The following USP34 variants were observed in gnomAD, a reference collection of about 807,000 sequenced individuals.
The protein encoded by USP34 is ubiquitin specific peptidase 34, also known as ubiquitin carboxyl-terminal hydrolase 34.
Under a neutral mutation model 460.3 loss-of-function variants are expected in USP34, and 70 were observed. The observed-to-expected ratio is 0.15, with a 90% CI of 0.13 to 0.19. The LOEUF (loss-of-function observed/expected upper bound fraction) is 0.19, where lower values mean the gene tolerates loss of function less well. Among genes scored for constraint, USP34 ranks in the 10% least tolerant of loss-of-function variants. USP34 has a pLI of 1.00. For missense variants in USP34, 3,985 were observed against 4,236.2 expected, an observed-to-expected ratio of 0.94 and a Z score of 1.65; for synonymous variants, 1,647 against 1,405.3, an observed-to-expected ratio of 1.17 and a Z score of -3.85.
intron 43 of USP34, 167 bp downstream of exon 43, chr2:61,265,230 T>C (rs572748104): frequency 2.2e-5 from 16 of 737,996 alleles, no homozygotes; most frequent in African/African-American, 1.6e-4. Context: ...AGTAATCTAC[T>C]AAAATGTATA....
intron 48 of USP34, among the ~76,000 whole-genome samples, chr2:61,253,921 G>C (rs1688653942): frequency 6.6e-6 from 1 of 152,110 alleles, no homozygotes; most frequent in African/African-American, 2.4e-5. Context: ...TTTTAGTAGA[G>C]ACAGGGTTTC....
chr2:61,195,366 TAAA>T (rs34844512), intron 75 of USP34, among the ~76,000 whole-genome samples: 13 of 140,192 alleles, frequency 9.3e-5, no homozygotes, highest in Admixed American at 9.1e-4. Context: ...TTTTAAAGGT[TAAA>T]AAAAAAAAAA....
chr2:61,319,432 G>A lies in USP34; in HGVS notation c.3014-105C>T, dbSNP rs539094015. 4.1e-6 allele frequency: 3 copies of A among 736,764 alleles called. No homozygotes were observed. The East Asian group carries it at 1.0e-4, about 25-fold the overall frequency. The allele number at this position is 736,764 out of a possible 1,614,324, so 45.6% of individuals were successfully genotyped here. On this transcript the variant is annotated intron_variant, in intron 21 of 79. Transcript: ENST00000398571. ...GTAAGTCCTCACTTAACACAGATAG[G>A]TTCTTGGAAATTGCAATTTTAATTG...
At chr2:61,209,673 TTATG>T (rs1687218054) in intron 69 of USP34, among the ~76,000 whole-genome samples, 2 of 152,360 alleles carry the variant, frequency 1.3e-5, no homozygotes, top group Middle Eastern at 3.4e-3. Context: ...TGTTACTGGT[TTATG>T]TATTTACTAT....
At chr2:61,405,029 C>G (rs1693826227) in intron 3 of USP34, among the ~76,000 whole-genome samples, 1 of 151,760 alleles carries the variant, frequency 6.6e-6, no homozygotes, top group African/African-American at 2.4e-5. Context: ...AGATCGAGAC[C>G]ATCCTGGCTA....
intron 1 of USP34, among the ~76,000 whole-genome samples, chr2:61,444,056 A>T (rs1451250021): frequency 6.6e-6 from 1 of 152,166 alleles, no homozygotes; most frequent in East Asian, 1.9e-4. Flanking sequence ...CTGCTTCAGC[A>T]TGGGCAACAT....
In USP34 at chr2:61,227,176, C is replaced by G. The variant is rs1687751211; in HGVS notation, c.7486G>C (p.Glu2496Gln). ...AGAGAGAGGATATCTTCTTCCTCCT[C>G]TTCTTCTTCCCCTTCTTCCTCTGAT... is the stretch of plus-strand genomic sequence containing the variant. ...VLSEEEGEEEEEEEDILSLAE... is the reference protein window; with the variant it reads ...VLSEEEGEEEQEEEDILSLAE... Residue 2496 changes from glutamate (E) to glutamine (Q), a missense_variant, in exon 62 of 80, where the codon GAG (glutamate) becomes CAG (glutamine). Transcript: ENST00000398571. 3 of 1,613,648 alleles carry G rather than the reference C, an allele frequency of 1.9e-6. No individual in the cohort carries two copies. The African/African-American group carries it at 4.0e-5, about 22-fold the overall frequency.
In USP34 at chr2:61,204,609, TAAAAAC is replaced by T. The variant is rs759073853; in HGVS notation, c.9155-14_9155-9del. Reference sequence around the variant, plus strand: ...CAAGTTCCTTGAGGACATCTGAAAATAAAAACAAAGTTTGGGTAGCAAAAAATTAAG... The same window carrying T: ...CAAGTTCCTTGAGGACATCTGAAAATAAAGTTTGGGTAGCAAAAAATTAAG... On this transcript the variant is annotated splice_polypyrimidine_tract_variant and intron_variant, in intron 72 of 79. Coordinates refer to ENST00000398571, the MANE Select transcript of USP34 (RefSeq NM_014709.4). 1 of 1,610,038 alleles carries T rather than the reference TAAAAAC, an allele frequency of 6.2e-7. No homozygotes were observed. Among genetic ancestry groups the T allele is most frequent in the East Asian group, 2.2e-5 (1 of 44,838 alleles).
At position 61,432,181 on chromosome 2, in the gene USP34, TA is replaced by T. The variant is rs1397128495; in HGVS notation, c.44-11349del. On this transcript the variant is annotated intron_variant, in intron 1 of 79. Coordinates refer to ENST00000398571, the MANE Select transcript of USP34 (RefSeq NM_014709.4). ...TAGACAGAACCCACCGTTTTTCAATTAAAAAAAAAAAATGGAATGTAGTGAC... is the reference window on the plus strand; with the variant it reads ...TAGACAGAACCCACCGTTTTTCAATTAAAAAAAAAAATGGAATGTAGTGAC... Among the ~76,000 whole-genome samples, 839 of 143,080 alleles carry T rather than the reference TA, an allele frequency of 5.9e-3. 3 individuals carry two copies. The highest frequency in any genetic ancestry group is 9.6e-3 in the African/African-American group (378 of 39,218). 93.9% of individuals were successfully genotyped at this position (143,080 alleles called of 152,430 possible). A position where few individuals can be genotyped will look rare whatever the true frequency, so the allele number is the denominator to read the frequency against.
chr2:61,281,651 T>A (rs1368711359), intron 37 of USP34, among the ~76,000 whole-genome samples: 1 of 152,142 alleles, frequency 6.6e-6, no homozygotes, highest in Non-Finnish European at 1.5e-5. Flanking sequence ...CATACATATA[T>A]ATATGTAAAT....
chr2:61,268,210 A>G (rs1689110193), intron 41 of USP34, among the ~76,000 whole-genome samples: 2 of 152,072 alleles, frequency 1.3e-5, no homozygotes, highest in South Asian at 2.1e-4. Flanking sequence ...CTGTTGTCTT[A>G]GTCTGTTTAG....
At chr2:61,209,020 A>G (rs1687196437) in intron 69 of USP34, 43 bp from the exon 70 acceptor site, 1 of 1,260,090 alleles carries the variant, frequency 7.9e-7, no homozygotes, top group Non-Finnish European at 1.1e-6. Flanking sequence ...TCTGAATAAG[A>G]ACACAACACT....
At position 61,188,985 on chromosome 2, in the gene USP34, A is replaced by G; in HGVS notation, c.9958T>C (p.Leu3320=). The change falls in exon 79 of 80, where the codon TTA becomes CTA. Residue 3320 remains leucine (L), a synonymous_variant. Transcript: ENST00000398571. ...PALIPTLQEL[L]SKCRTCLQQR... is the part of the protein sequence containing the mutation. ...TGCAGACAAGTCCTGCATTTGCTTA[A>G]AAGCTCTTGCAGAGTTGGAATTAGA... The G allele has an allele frequency of 1.2e-6, 2 of 1,614,196 alleles. No homozygotes were observed. Among genetic ancestry groups the G allele is most frequent in the Non-Finnish European group, 1.7e-6 (2 of 1,180,032 alleles).
rs532588582 is a variant in USP34 at position 61,435,201 on chromosome 2, G to A, written c.44-14368C>T. Reference sequence around the variant, plus strand: ...ATGCTTATAGTCCCAGCTACTCAGAGGCTGAGGTGGGAGAATCACCTGAGT... The same window carrying A: ...ATGCTTATAGTCCCAGCTACTCAGAAGCTGAGGTGGGAGAATCACCTGAGT... On this transcript the variant is annotated intron_variant, in intron 1 of 79. Transcript: ENST00000398571. 8.6e-5 allele frequency among the ~76,000 whole-genome samples: 13 copies of A among 150,776 alleles called. No homozygotes were observed. The South Asian group carries it at 2.7e-3, about 32-fold the overall frequency.
chr2:61,399,766 G>C (rs1318659803), intron 3 of USP34, among the ~76,000 whole-genome samples: 1 of 150,672 alleles, frequency 6.6e-6, no homozygotes, highest in Non-Finnish European at 1.5e-5. Context: ...CCAACTACTC[G>C]GGACGCTGAG....
intron 15 of USP34, among the ~76,000 whole-genome samples, chr2:61,345,809 A>G (rs989171240): frequency 2.0e-5 from 3 of 152,086 alleles, no homozygotes; most frequent in Non-Finnish European, 4.4e-5. Flanking sequence ...TAGTGTTTTT[A>G]ATATTTTTGT....
chr2:61,399,763 C>A (rs1693653636), intron 3 of USP34, among the ~76,000 whole-genome samples: 1 of 150,042 alleles, frequency 6.7e-6, no homozygotes, highest in Non-Finnish European at 1.5e-5. Flanking sequence ...ATCCCAACTA[C>A]TCGGGACGCT....
intron 37 of USP34, 76 bp from the exon 38 acceptor site, chr2:61,281,318 G>C: frequency 6.7e-7 from 1 of 1,493,736 alleles, no homozygotes; most frequent in Non-Finnish European, 9.0e-7. Context: ...AATAATTTTA[G>C]GTGATTTTAA....
At chr2:61,347,076 G>T (rs1484866012) in intron 15 of USP34, among the ~76,000 whole-genome samples, 1 of 152,040 alleles carries the variant, frequency 6.6e-6, no homozygotes, top group Non-Finnish European at 1.5e-5. Flanking sequence ...GGAAGTGGAG[G>T]TTGCAGTGAG....
Sources: allele counts gnomAD v4.1 joint callset (sites outside exome capture counted in the v4.1 genomes callset), GRCh38; gene constraint gnomAD v4.1.1; transcripts MANE v1.5; gene names NCBI Gene and HGNC (gene_info 2026-07-23, HGNC 2026-07-21).